Variants in CRTAM observed in about 807,000 individuals in gnomAD.
CRTAM encodes cytotoxic and regulatory T cell molecule.
CRTAM carries 44 observed loss-of-function variants against 50.0 expected under a neutral mutation model. The ratio of observed to expected loss-of-function variants is 0.88; its 90% CI spans 0.69 to 1.13. The LOEUF (loss-of-function observed/expected upper bound fraction) is 1.13. Among genes scored for constraint, CRTAM ranks in the 50% most tolerant of loss-of-function variants. The pLI, the probability that CRTAM is intolerant of heterozygous loss-of-function variation, is 0.00. For missense variants in CRTAM, 448 were observed against 457.5 expected, an observed-to-expected ratio of 0.98 and a Z score of 0.19; for synonymous variants, 159 against 169.3, an observed-to-expected ratio of 0.94 and a Z score of 0.47.
chr11:122,862,894 TG>T (rs147097837), intron 6 of CRTAM, among the ~76,000 whole-genome samples: 26,635 of 152,264 alleles, frequency 0.17, 2,551 homozygotes, highest in Middle Eastern at 0.28. Context: ...CTCGTTTCTT[TG>T]TTTTCCCATC....
Position 122,871,502 on chromosome 11 carries a change from T to C in CRTAM, c.*103T>C. ...AATTGCTGAGACATTAATAATGACC[T>C]CTTAGTGCAATGCAAGATGGTGTCC... On this transcript the variant is annotated 3_prime_UTR_variant, in exon 10 of 10. Transcript: ENST00000227348. The C allele has an allele frequency of 1.0e-6, 1 of 982,360 alleles. No individual in the cohort carries two copies. Among genetic ancestry groups the C allele is most frequent in the Non-Finnish European group, 1.5e-6 (1 of 676,618 alleles). 60.9% of individuals were successfully genotyped at this position (982,360 alleles called of 1,614,324 possible).
At chr11:122,839,047 G>A (rs1039853242) in intron 1 of CRTAM, among the ~76,000 whole-genome samples, 1 of 152,092 alleles carries the variant, frequency 6.6e-6, no homozygotes, top group Non-Finnish European at 1.5e-5. Context: ...TCCTGCCTCA[G>A]CCTCCCAAGT....
At chr11:122,869,013 A>C (rs1203516721) in intron 9 of CRTAM, among the ~76,000 whole-genome samples, 3 of 152,198 alleles carry the variant, frequency 2.0e-5, no homozygotes, top group Non-Finnish European at 4.4e-5. Context: ...CACCTCAAAA[A>C]AATAAAAATA....
At chr11:122,852,994 A>G (rs1861951929) in intron 3 of CRTAM, among the ~76,000 whole-genome samples, 2 of 152,178 alleles carry the variant, frequency 1.3e-5, no homozygotes, top group African/African-American at 4.8e-5. Context: ...GGAAGAAGCA[A>G]GCCTAACTAA....
intron 6 of CRTAM, among the ~76,000 whole-genome samples, chr11:122,863,341 G>GAA (rs1418672255): frequency 9.4e-5 from 8 of 85,238 alleles, no homozygotes; most frequent in African/African-American, 2.3e-4. Context: ...AAGAAAGAAA[G>GAA]AAAGAAAGAA....
intron 6 of CRTAM, among the ~76,000 whole-genome samples, chr11:122,863,952 A>C (rs901404071): frequency 8.5e-5 from 13 of 152,218 alleles, no homozygotes; most frequent in African/African-American, 3.1e-4. Flanking sequence ...AACTGCAGAG[A>C]GAAAAAAGGA....
At chr11:122,861,466 C>T (rs1424640379) in intron 5 of CRTAM, among the ~76,000 whole-genome samples, 5 of 120,062 alleles carry the variant, frequency 4.2e-5, no homozygotes, top group Admixed American at 3.3e-4. Context: ...GGAGTCTCCT[C>T]GCTCTGTCGC....
chr11:122,850,278 C>T (rs1861914995), intron 2 of CRTAM, 64 bp downstream of exon 2: 2 of 1,482,676 alleles, frequency 1.3e-6, no homozygotes, highest in African/African-American at 2.8e-5. Flanking sequence ...TCCAGCCGGA[C>T]AGTTTGGTGG....
intron 5 of CRTAM, among the ~76,000 whole-genome samples, chr11:122,856,125 C>T (rs1862004203): frequency 6.6e-6 from 1 of 152,162 alleles, no homozygotes; most frequent in South Asian, 2.1e-4. Flanking sequence ...TTGATAATGA[C>T]TTTAAATCGT....
chr11:122,854,788 A>G (rs915967651), intron 4 of CRTAM, among the ~76,000 whole-genome samples: 4 of 152,134 alleles, frequency 2.6e-5, no homozygotes, highest in Non-Finnish European at 5.9e-5. Context: ...ATTGTATAGT[A>G]CTATATTGTG....
intron 5 of CRTAM, 33 bp from the exon 6 acceptor site, chr11:122,862,431 T>C (rs748166383): frequency 2.2e-6 from 3 of 1,377,386 alleles, no homozygotes; most frequent in East Asian, 2.3e-5. Context: ...CTGCTCTCTA[T>C]AGTAGCAGAA....
At chr11:122,856,760 G>A (rs901185270) in intron 5 of CRTAM, among the ~76,000 whole-genome samples, 6 of 152,192 alleles carry the variant, frequency 3.9e-5, no homozygotes, top group African/African-American at 7.2e-5. Context: ...CTGTGGCTGC[G>A]GTTAACAGGC....
At chr11:122,864,335 A>C (rs1000329491) in intron 6 of CRTAM, among the ~76,000 whole-genome samples, 1 of 152,202 alleles carries the variant, frequency 6.6e-6, no homozygotes, top group Non-Finnish European at 1.5e-5. Flanking sequence ...GGTACTTTAC[A>C]TAACTGCTCT....
intron 5 of CRTAM, among the ~76,000 whole-genome samples, chr11:122,859,047 AT>A (rs896555085): frequency 1.6e-4 from 24 of 152,350 alleles, no homozygotes; most frequent in African/African-American, 3.4e-4. Context: ...AATTAAAAAA[AT>A]ATGTATCTGT....
chr11:122,850,081 T>TA lies in CRTAM; in HGVS notation c.62dup (p.Asn21LysfsTer42), dbSNP rs1003402371. On this transcript the variant is annotated frameshift_variant, in exon 2 of 10. Transcript: ENST00000227348. LOFTEE classifies it high-confidence loss of function. ...CTTCCTCCACAGAGGCCTCTCTGACTAACCACACAGAAACCATCACCGTGG... is the reference window on the plus strand; with the variant it reads ...CTTCCTCCACAGAGGCCTCTCTGACTAAACCACACAGAAACCATCACCGTGG... 1 of 1,610,212 alleles carries TA rather than the reference T, an allele frequency of 6.2e-7. No individual in the cohort carries two copies. The highest frequency in any genetic ancestry group is 1.3e-5 in the African/African-American group (1 of 74,972).
At chr11:122,849,416 G>C (rs537156835) in intron 1 of CRTAM, among the ~76,000 whole-genome samples, 9 of 152,282 alleles carry the variant, frequency 5.9e-5, no homozygotes, top group Non-Finnish European at 1.2e-4. Context: ...TTCCTTTCTA[G>C]GGTTAGTTTG....
chr11:122,844,270 A>G (rs1861834864), intron 1 of CRTAM, among the ~76,000 whole-genome samples: 2 of 152,242 alleles, frequency 1.3e-5, no homozygotes, highest in South Asian at 4.1e-4. Flanking sequence ...GCATCCTAAG[A>G]AAGAGAAAAA....
At position 122,862,544 on chromosome 11, in the gene CRTAM, G is replaced by T. The variant is rs1862100699; in HGVS notation, c.733G>T (p.Val245Phe). 1 of 1,566,070 alleles carries T rather than the reference G, an allele frequency of 6.4e-7. No homozygotes were observed. Among genetic ancestry groups the T allele is most frequent in the Admixed American group, 1.8e-5 (1 of 55,450 alleles). The change falls in exon 6 of 10, where the codon GTC (valine) becomes TTC (phenylalanine). Residue 245 changes from valine (V) to phenylalanine (F), a missense_variant and splice_region_variant. Val to Phe is a conservative substitution (Grantham distance 50). Coordinates refer to ENST00000227348, the MANE Select transcript of CRTAM (RefSeq NM_019604.4). ...AGACCCACAGCAGCCCACCAGTACT[G>T]GTAAGTGTCAAAATCATTCAAACTT... ...SQDPQQPTST[V>F]SVTEDSSTSE...
intron 3 of CRTAM, among the ~76,000 whole-genome samples, chr11:122,853,041 C>T (rs764175157): frequency 1.3e-5 from 2 of 150,308 alleles, no homozygotes; most frequent in Non-Finnish European, 3.0e-5. Flanking sequence ...AGAAAAAGGA[C>T]GAACATGCCC....
Sources: gnomAD v4.1 joint callset for allele counts (sites outside exome capture counted in the v4.1 genomes callset) on GRCh38, gnomAD v4.1.1 for gene constraint, MANE v1.5 for transcripts, NCBI Gene and HGNC (gene_info 2026-07-23, HGNC 2026-07-21) for gene names.